Variants in RBFOX2 observed in about 807,000 individuals in gnomAD.
RBFOX2 encodes RNA binding fox-1 homolog 2.
RBFOX2 carries 10 observed loss-of-function variants against 49.1 expected under a neutral mutation model. The ratio of observed to expected loss-of-function variants is 0.20; its 90% CI spans 0.13 to 0.35. RBFOX2 has a LOEUF of 0.35. Among genes scored for constraint, RBFOX2 ranks in the 10% least tolerant of loss-of-function variants. The pLI is 1.00. For synonymous variants in RBFOX2, 183 were observed against 187.4 expected, an observed-to-expected ratio of 0.98 and a Z score of 0.19; for missense variants, 323 against 486.9, an observed-to-expected ratio of 0.66 and a Z score of 3.17.
chr22:35,948,591 G>A (rs1002533107), intron 1 of RBFOX2, among the ~76,000 whole-genome samples: 3 of 152,048 alleles, frequency 2.0e-5, no homozygotes, highest in African/African-American at 7.2e-5. Context: ...AGGCTGAAAT[G>A]GGAGGATGGC....
At chr22:35,831,852 A>G (rs1956862614) in intron 1 of RBFOX2, among the ~76,000 whole-genome samples, 1 of 152,210 alleles carries the variant, frequency 6.6e-6, no homozygotes, top group South Asian at 2.1e-4. Flanking sequence ...AATTTCATAA[A>G]ATAATTATTG....
At chr22:36,017,300 G>A (rs543238877) in intron 1 of RBFOX2, among the ~76,000 whole-genome samples, 143 of 152,180 alleles carry the variant, frequency 9.4e-4, no homozygotes, top group Non-Finnish European at 1.2e-3. Context: ...AAGCCGAGGC[G>A]GGTGGATCAT....
intron 1 of RBFOX2, among the ~76,000 whole-genome samples, chr22:35,824,115 C>T (rs1406693287): frequency 6.6e-6 from 1 of 151,992 alleles, no homozygotes. Flanking sequence ...CGCTATTGCA[C>T]TCCAGACTGG....
exon 12 of RBFOX2, chr22:35,742,752 GT>G (rs1329490120): frequency 1.3e-5 from 2 of 152,444 alleles, no homozygotes. Context: ...GGCAACGGCA[GT>G]GACTCACTGC....
chr22:35,848,208 A>G (rs2041463202), intron 1 of RBFOX2, among the ~76,000 whole-genome samples: 1 of 152,178 alleles, frequency 6.6e-6, no homozygotes, highest in Non-Finnish European at 1.5e-5. Flanking sequence ...TTACTTGTAA[A>G]AAGACCTGGT....
intron 1 of RBFOX2, among the ~76,000 whole-genome samples, chr22:35,951,445 A>T (rs1231974234): frequency 6.0e-5 from 9 of 148,888 alleles, no homozygotes; most frequent in Non-Finnish European, 7.4e-5. Context: ...GGGTTTCTCT[A>T]TGTTGGTCAG....
intron 1 of RBFOX2, among the ~76,000 whole-genome samples, chr22:35,977,301 A>G (rs1407387574): frequency 6.6e-6 from 1 of 152,118 alleles, no homozygotes; most frequent in African/African-American, 2.4e-5. Context: ...CACTTCATAT[A>G]CACTTATATG....
chr22:35,810,919 C>A (rs1338747860), intron 1 of RBFOX2, among the ~76,000 whole-genome samples: 4 of 152,080 alleles, frequency 2.6e-5, no homozygotes, highest in African/African-American at 7.2e-5. Context: ...GTTTTTAATA[C>A]TAAAGAGAAT....
At chr22:35,897,040 C>T (rs767197662) in intron 1 of RBFOX2, among the ~76,000 whole-genome samples, 4 of 152,192 alleles carry the variant, frequency 2.6e-5, no homozygotes, top group African/African-American at 9.6e-5. Flanking sequence ...CTGTAAATAA[C>T]TATATTAAAA....
At chr22:35,988,520 A>G (rs1436908166) in intron 1 of RBFOX2, among the ~76,000 whole-genome samples, 1 of 152,150 alleles carries the variant, frequency 6.6e-6, no homozygotes, top group African/African-American at 2.4e-5. Flanking sequence ...ATTCAGTAAA[A>G]GATTCCCAAA....
chr22:35,805,910 T>C (rs570328617), intron 2 of RBFOX2, among the ~76,000 whole-genome samples: 38 of 152,288 alleles, frequency 2.5e-4, no homozygotes, highest in Non-Finnish European at 4.7e-4. Context: ...TACAACTACA[T>C]GAAATCCTGA....
intron 9 of RBFOX2, among the ~76,000 whole-genome samples, chr22:35,756,914 T>A (rs1404793877): frequency 6.6e-6 from 1 of 150,612 alleles, no homozygotes; most frequent in Non-Finnish European, 1.5e-5. Context: ...CAAGCAGAGA[T>A]AATGAGCTAA....
At chr22:35,773,029 G>A (rs1383073569) in intron 4 of RBFOX2, among the ~76,000 whole-genome samples, 1 of 146,720 alleles carries the variant, frequency 6.8e-6, no homozygotes, top group Non-Finnish European at 1.5e-5. Context: ...TAAAACTAAA[G>A]CCCATAATGG....
chr22:35,796,807 T>A (rs1948868004), intron 2 of RBFOX2, among the ~76,000 whole-genome samples: 1 of 152,190 alleles, frequency 6.6e-6, no homozygotes, highest in Non-Finnish European at 1.5e-5. Context: ...GTTACTATCA[T>A]CACGGATCTC....
chr22:35,848,429 A>C (rs908279289), intron 1 of RBFOX2, among the ~76,000 whole-genome samples: 5 of 152,230 alleles, frequency 3.3e-5, no homozygotes, highest in Non-Finnish European at 5.9e-5. Flanking sequence ...ATAGACCTCT[A>C]TTAGAATATA....
At chr22:35,892,637 T>TG (rs1414541939) in intron 1 of RBFOX2, among the ~76,000 whole-genome samples, 2 of 152,126 alleles carry the variant, frequency 1.3e-5, no homozygotes, top group Non-Finnish European at 2.9e-5. Flanking sequence ...CTTTGACCCA[T>TG]TACTGGTACC....
chr22:35,743,996 A>G (rs897954182), exon 12 of RBFOX2: 4 of 435,640 alleles, frequency 9.2e-6, no homozygotes, highest in African/African-American at 8.2e-5. Context: ...GGAACAAAAG[A>G]ATTAAAGGCA....
At chr22:35,884,248 C>T (rs926032303) in intron 1 of RBFOX2, among the ~76,000 whole-genome samples, 1 of 152,106 alleles carries the variant, frequency 6.6e-6, no homozygotes, top group Middle Eastern at 3.2e-3. Context: ...CCGCCTGCCT[C>T]GGCCTCACAA....
At chr22:35,884,751 A>G (rs1327370087) in intron 1 of RBFOX2, among the ~76,000 whole-genome samples, 1 of 152,244 alleles carries the variant, frequency 6.6e-6, no homozygotes, top group Non-Finnish European at 1.5e-5. Flanking sequence ...CAAGGGTATG[A>G]ATATCAGGAG....
Sources: allele counts gnomAD v4.1 joint callset (sites outside exome capture counted in the v4.1 genomes callset), GRCh38; gene constraint gnomAD v4.1.1; transcripts MANE v1.5; gene names NCBI Gene and HGNC (gene_info 2026-07-23, HGNC 2026-07-21).